RBBP8NL: variants seen among roughly 807,000 people sequenced by gnomAD.
RBBP8NL encodes RBBP8 N-terminal like.
A neutral mutation model predicts 62.2 loss-of-function variants in RBBP8NL; 59 were observed. That is an observed-to-expected ratio of 0.95 (90% CI 0.77 to 1.18). The LOEUF (loss-of-function observed/expected upper bound fraction) is 1.18, where lower values mean the gene tolerates loss of function less well. RBBP8NL is among the 50% of genes most tolerant of loss of function. RBBP8NL has a pLI of 0.00. For synonymous variants in RBBP8NL, 412 were observed against 394.1 expected, an observed-to-expected ratio of 1.05 and a Z score of -0.54; for missense variants, 896 against 899.5, an observed-to-expected ratio of 1.00 and a Z score of 0.05.
intron 2 of RBBP8NL, 97 bp from the exon 3 acceptor site, chr20:62,418,562 C>T (rs1988632183): frequency 1.7e-6 from 2 of 1,211,562 alleles, no homozygotes; most frequent in South Asian, 2.6e-5. Context: ...CAATGTGGCA[C>T]TCCTGTCCCC....
chr20:62,418,834 G>C (rs372509314), intron 2 of RBBP8NL, among the ~76,000 whole-genome samples: 50 of 152,272 alleles, frequency 3.3e-4, no homozygotes, highest in African/African-American at 1.2e-3. Context: ...AAGCTTCTGG[G>C]GCGGACCCCA....
chr20:62,426,774 G>A (rs931926707), intron 1 of RBBP8NL, among the ~76,000 whole-genome samples: 1 of 152,252 alleles, frequency 6.6e-6, no homozygotes, highest in African/African-American at 2.4e-5. Context: ...ACATGCACTC[G>A]TGTACCCCAC....
Position 62,415,832 on chromosome 20 carries a change from T to C in RBBP8NL, c.500A>G (p.Glu167Gly), listed in dbSNP as rs773589944. The change falls in exon 7 of 14, where the codon GAG becomes GGG. Residue 167 changes from glutamate (E) to glycine (G), a missense_variant. Transcript: ENST00000252998. ...AITEKPPGGH[E>G]EAEEDHQGVG... ...GCCCTGGTGGTCTTCCTCAGCCTCC[T>C]CGTGGCCTCCCGGTGGCTTCTCTGT... The C allele has an allele frequency of 4.3e-6, 7 of 1,612,500 alleles. No homozygotes were observed. In the Admixed American group the frequency reaches 1.2e-4, roughly 27 times the overall value.
At position 62,424,296 on chromosome 20, in the gene RBBP8NL, G is replaced by C. The variant is rs73916602; in HGVS notation, c.-84+3164C>G. 5.4e-3 allele frequency among the ~76,000 whole-genome samples: 544 copies of C among 101,100 alleles called. 3 individuals are homozygous for C. Among genetic ancestry groups the C allele is most frequent in the African/African-American group, 0.015 (523 of 34,902 alleles). 66.3% of individuals were successfully genotyped at this position (101,100 alleles called of 152,430 possible). A position where few individuals can be genotyped will look rare whatever the true frequency, so the allele number is the denominator to read the frequency against. On this transcript the variant is annotated intron_variant, in intron 1 of 13. Transcript: ENST00000252998. The stretch of plus-strand genomic sequence containing the variant: ...CACCTGCTGCTTGCAGCTGGGCCGT[G>C]GGGGGGGCAGGTGTGAGGGGCGCAT...
rs772774833 is a variant in RBBP8NL at position 62,414,500 on chromosome 20, G to C, written c.851C>G (p.Pro284Arg). 1.4e-6 allele frequency: 2 copies of C among 1,455,976 alleles called. No individual in the cohort carries two copies. Among genetic ancestry groups the C allele is most frequent in the Non-Finnish European group, 1.8e-6 (2 of 1,100,620 alleles). 90.2% of individuals were successfully genotyped at this position (1,455,976 alleles called of 1,614,324 possible). ...AMTHEAPKLSPKVDRLCLLNR... is the reference protein window; with the variant it reads ...AMTHEAPKLSRKVDRLCLLNR... ...TAGGAGGCAGAGCCGGTCCACCTTC[G>C]GGGAGAGCTTCGGGGCCTCATGGGT... The change falls in exon 10 of 14, where the codon CCG becomes CGG. Residue 284 changes from proline (P) to arginine (R), a missense_variant. Transcript: ENST00000252998.
rs754358239 is a variant in RBBP8NL at position 62,417,240 on chromosome 20, G to A, written c.184C>T (p.Arg62Trp). ...CAGGCCCACCTGTTCTCCAGCACCC[G>A]CAGGTTCTCCTTCAGTGTCTTCTGC... ...EQQKTLKENL[R>W]VLENRLRAGL... The change falls in exon 4 of 14, where the codon CGG (arginine) becomes TGG (tryptophan). Residue 62 changes from arginine (R) to tryptophan (W), a missense_variant. Arg to Trp is a moderately radical substitution (Grantham distance 101). Coordinates refer to ENST00000252998, the MANE Select transcript of RBBP8NL (RefSeq NM_080833.3). The A allele has an allele frequency of 2.0e-5, 32 of 1,603,722 alleles. No homozygotes were observed. The Admixed American group carries it at 2.4e-4, about 12-fold the overall frequency.
At chr20:62,419,473 C>T (rs918687638) in intron 2 of RBBP8NL, 114 bp downstream of exon 2, 3 of 1,148,896 alleles carry the variant, frequency 2.6e-6, no homozygotes, top group African/African-American at 3.1e-5. Flanking sequence ...GGGGTCCATT[C>T]CCTGACTTGG....
Position 62,412,693 on chromosome 20 carries a change from T to G in RBBP8NL, c.1807A>C (p.Ile603Leu). Residue 603 changes from isoleucine (I) to leucine (L), a missense_variant, in exon 13 of 14, where the codon ATC (isoleucine) becomes CTC (leucine). Physicochemically the swap from Ile to Leu is conservative, Grantham distance 5 (BLOSUM62 2). Coordinates refer to ENST00000252998, the MANE Select transcript of RBBP8NL (RefSeq NM_080833.3). The part of the protein sequence containing the change: ...TSTTGEGPEC[I>L]CTQEHGQGPP... Reference sequence around the variant, plus strand: ...CCCTGCCCGTGCTCCTGGGTGCAGATGCACTCAGGCCCCTCCCCGGTCGTG... The same window carrying G: ...CCCTGCCCGTGCTCCTGGGTGCAGAGGCACTCAGGCCCCTCCCCGGTCGTG... 1 of 1,609,496 alleles carries G rather than the reference T, an allele frequency of 6.2e-7. No homozygotes were observed. The highest frequency in any genetic ancestry group is 8.5e-7 in the Non-Finnish European group (1 of 1,179,922).
chr20:62,426,791 G>A (rs1461857517), intron 1 of RBBP8NL, among the ~76,000 whole-genome samples: 2 of 152,048 alleles, frequency 1.3e-5, no homozygotes, highest in African/African-American at 2.4e-5. Flanking sequence ...CCACACGCGC[G>A]TGCGCCCGTG....
In RBBP8NL at chr20:62,413,554, AG is replaced by A; in HGVS notation, c.1531-10del. On this transcript the variant is annotated splice_polypyrimidine_tract_variant and intron_variant, in intron 10 of 13. Coordinates refer to ENST00000252998, the MANE Select transcript of RBBP8NL (RefSeq NM_080833.3). Reference sequence around the variant, plus strand: ...AGTGGGCGTGAGGGGTCCTGGGGGGAGGCAAGTAGGTGGCTTGAGTTTATTT... The same window carrying A: ...AGTGGGCGTGAGGGGTCCTGGGGGGAGCAAGTAGGTGGCTTGAGTTTATTT... 1 of 1,510,024 alleles carries A rather than the reference AG, an allele frequency of 6.6e-7. No homozygotes were observed. Among genetic ancestry groups the A allele is most frequent in the Non-Finnish European group, 8.8e-7 (1 of 1,134,328 alleles). The allele number at this position is 1,510,024 out of a possible 1,614,324, so 93.5% of individuals were successfully genotyped here.
intron 8 of RBBP8NL, 76 bp downstream of exon 8, chr20:62,415,502 G>A: frequency 6.6e-6 from 10 of 1,510,382 alleles, no homozygotes; most frequent in Non-Finnish European, 9.2e-6. Flanking sequence ...CTGGCATACT[G>A]AAAGTGCAGC....
At chr20:62,425,902 CAGTGGCAGTGGCAT>C in intron 1 of RBBP8NL, among the ~76,000 whole-genome samples, 1 of 151,220 alleles carries the variant, frequency 6.6e-6, no homozygotes, top group Non-Finnish European at 1.5e-5. Context: ...AGTGGCATAG[CAGTGGCAGTGGCAT>C]AGCAGTGGCA....
chr20:62,426,384 C>T (rs1183202615), intron 1 of RBBP8NL, among the ~76,000 whole-genome samples: 5 of 152,250 alleles, frequency 3.3e-5, no homozygotes, highest in African/African-American at 9.6e-5. Flanking sequence ...ATTCCCCTGC[C>T]CCTGTCCACC....
chr20:62,411,024 G>A (rs73143477), intron 13 of RBBP8NL, 28 bp from the exon 14 acceptor site: 18,950 of 1,461,890 alleles, frequency 0.013, 336 homozygotes, highest in Admixed American at 0.065. Flanking sequence ...AGGTCAGGCC[G>A]GAGCTGTGTG....
chr20:62,421,752 T>C (rs1476025589), intron 1 of RBBP8NL, among the ~76,000 whole-genome samples: 1 of 148,468 alleles, frequency 6.7e-6, no homozygotes, highest in Non-Finnish European at 1.5e-5. Flanking sequence ...TGTGTGTGCA[T>C]ACCCGAGCTA....
intron 9 of RBBP8NL, 86 bp from the exon 10 acceptor site, chr20:62,414,642 C>T: frequency 7.3e-7 from 1 of 1,362,828 alleles, no homozygotes; most frequent in Non-Finnish European, 9.5e-7. Context: ...ACGACAGGCA[C>T]CCACTCCACA....
chr20:62,421,716 T>C (rs1381528165), intron 1 of RBBP8NL, among the ~76,000 whole-genome samples: 3 of 140,668 alleles, frequency 2.1e-5, no homozygotes, highest in African/African-American at 8.1e-5. Flanking sequence ...GTGTGCATGA[T>C]AGGCAGTGTG....
At position 62,416,760 on chromosome 20, in the gene RBBP8NL, T is replaced by C; in HGVS notation, c.313A>G (p.Thr105Ala). The C allele has an allele frequency of 6.3e-7, 1 of 1,577,168 alleles. No individual in the cohort carries two copies. Residue 105 changes from threonine to alanine, a missense_variant and splice_region_variant, in exon 5 of 14, where the codon ACC becomes GCC. Coordinates refer to ENST00000252998, the MANE Select transcript of RBBP8NL (RefSeq NM_080833.3). ...LQNLQRIFIL[T>A]NEMNGLKEEN... ...CGGTTGTCTGGTGGGTGGGGCTCAC[T>C]GAGGATGAAGATGCGCTGCAGGTTC...
In RBBP8NL at chr20:62,418,424, G is replaced by C. The variant is rs1461516473; in HGVS notation, c.103C>G (p.Arg35Gly). 3.9e-6 allele frequency: 6 copies of C among 1,550,388 alleles called. No homozygotes were observed. Among genetic ancestry groups the C allele is most frequent in the Non-Finnish European group, 5.2e-6 (6 of 1,146,924 alleles). ...KLLELNSERC[R>G]DAQRIEELFS... ...GGGGCCCTGCTTGGCCTGACTCACC[G>C]GCACCTCTCTGAGTTCAGTTCCAGA... Residue 35 changes from arginine to glycine, a missense_variant and splice_region_variant, in exon 3 of 14, where the codon CGG becomes GGG. Transcript: ENST00000252998.
Sources: allele counts gnomAD v4.1 joint callset (sites outside exome capture counted in the v4.1 genomes callset), GRCh38; gene constraint gnomAD v4.1.1; transcripts MANE v1.5; gene names NCBI Gene and HGNC (gene_info 2026-07-23, HGNC 2026-07-21).